Variants in SLC46A3 observed in about 807,000 individuals in gnomAD.
SLC46A3 encodes lysosomal proton-coupled steroid conjugate and bile acid symporter SLC46A3.
In SLC46A3, 26 loss-of-function variants were observed where a neutral mutation model predicts 38.5. The ratio of observed to expected loss-of-function variants is 0.68; its 90% confidence interval spans 0.49 to 0.94. SLC46A3 has a LOEUF of 0.94. SLC46A3 is among the 40% of genes least tolerant of loss of function. SLC46A3 has a pLI of 0.00. For synonymous variants in SLC46A3, 185 were observed against 192.5 expected (o/e 0.96, Z 0.32); for missense variants, 510 against 544.3 (o/e 0.94, Z 0.63).
Position 28,710,858 on chromosome 13 carries a change from A to T in SLC46A3, c.1061-15T>A. 6.3e-7 allele frequency: 1 copy of T among 1,598,820 alleles called. No homozygotes were observed. Among genetic ancestry groups the T allele is most frequent in the Non-Finnish European group, 8.6e-7 (1 of 1,167,358 alleles). On this transcript the variant is annotated splice_polypyrimidine_tract_variant and intron_variant, in intron 3 of 5. Transcript: ENST00000266943. ...CGGCACCCTGGCTGTGAGAGAAAGGATTCAAAATCACTGGCTGATTCTGAA... is the reference window on the plus strand; with the variant it reads ...CGGCACCCTGGCTGTGAGAGAAAGGTTTCAAAATCACTGGCTGATTCTGAA...
Position 28,714,347 on chromosome 13 carries a change from C to T in SLC46A3, c.190-797G>A, listed in dbSNP as rs149808212. Among the ~76,000 whole-genome samples the T allele has an allele frequency of 9.5e-3, 1,438 of 151,976 alleles. 7 individuals are homozygous for T. Among genetic ancestry groups the T allele is most frequent in the Middle Eastern group, 0.014 (4 of 292 alleles). On this transcript the variant is annotated intron_variant, in intron 2 of 5. Transcript: ENST00000266943. ...TACCGTGGCTGAGTGTGGTGGCTTACGCTTATAATCCCAGCACTGTGGGAG... is the reference window on the plus strand; with the variant it reads ...TACCGTGGCTGAGTGTGGTGGCTTATGCTTATAATCCCAGCACTGTGGGAG...
intron 4 of SLC46A3, among the ~76,000 whole-genome samples, chr13:28,708,492 GA>G (rs1460573603): frequency 6.6e-6 from 1 of 151,754 alleles, no homozygotes; most frequent in African/African-American, 2.4e-5. Context: ...TTTTGTTGTT[GA>G]ATTTTAAGAG....
At position 28,701,080 on chromosome 13, in the gene SLC46A3, G is replaced by T. The variant is rs1230377383; in HGVS notation, c.*417C>A. On this transcript the variant is annotated 3_prime_UTR_variant, in exon 6 of 6. Coordinates refer to ENST00000266943, the MANE Select transcript of SLC46A3 (RefSeq NM_181785.4). The stretch of plus-strand genomic sequence containing the variant: ...TATGCCTTCAAAATTATCCCTGAGA[G>T]AGGCCAGAAACCCATTCTGCTGATG... 3 of 1,475,208 alleles carry T rather than the reference G, an allele frequency of 2.0e-6. No individual in the cohort carries two copies. Among genetic ancestry groups the T allele is most frequent in the Non-Finnish European group, 2.7e-6 (3 of 1,111,720 alleles). 91.4% of individuals were successfully genotyped at this position (1,475,208 alleles called of 1,614,324 possible). A position where few individuals can be genotyped will look rare whatever the true frequency, so the allele number is the denominator to read the frequency against.
chr13:28,710,534 G>A (rs910425412), intron 4 of SLC46A3, among the ~76,000 whole-genome samples: 4 of 152,344 alleles, frequency 2.6e-5, no homozygotes, highest in South Asian at 2.1e-4. Flanking sequence ...TTCTTAGGGC[G>A]GGGCACGGCC....
intron 4 of SLC46A3, among the ~76,000 whole-genome samples, chr13:28,708,545 T>C (rs1885243677): frequency 6.6e-6 from 1 of 152,184 alleles, no homozygotes; most frequent in African/African-American, 2.4e-5. Flanking sequence ...CAGACAAATA[T>C]AATTTGCAAA....
rs1179667695 is a variant in SLC46A3 at position 28,704,115 on chromosome 13, A to C, written c.1145-16T>G. On this transcript the variant is annotated splice_polypyrimidine_tract_variant and intron_variant, in intron 4 of 5. Coordinates refer to ENST00000266943, the MANE Select transcript of SLC46A3 (RefSeq NM_181785.4). ...AACAGGGTACCTGTTTGGAGTAGGG[A>C]TAGAGAGAGAGGAAAAAAAAAAGGC... 3.8e-6 allele frequency: 6 copies of C among 1,565,072 alleles called. No individual in the cohort carries two copies. The highest frequency in any genetic ancestry group is 5.2e-6 in the Non-Finnish European group (6 of 1,159,174).
At position 28,712,930 on chromosome 13, in the gene SLC46A3, A is replaced by G; in HGVS notation, c.810T>C (p.Tyr270=). The change falls in exon 3 of 6, where the codon TAT becomes TAC. Residue 270 remains tyrosine, a synonymous_variant. Transcript: ENST00000266943. ...LCLLLFTVIT[Y]FFVVIGIAPI... is the part of the protein sequence containing the mutation. ...GGGCAATGCCAATTACCACAAAAAA[A>G]TAAGTGATTACTGTAAAAAGTAACA... 1.2e-6 allele frequency: 2 copies of G among 1,610,668 alleles called. No individual in the cohort carries two copies. Among genetic ancestry groups the G allele is most frequent in the South Asian group, 1.1e-5 (1 of 89,848 alleles).
Position 28,701,340 on chromosome 13 carries a change from A to T in SLC46A3, c.*157T>A. On this transcript the variant is annotated 3_prime_UTR_variant, in exon 6 of 6. Coordinates refer to ENST00000266943, the MANE Select transcript of SLC46A3 (RefSeq NM_181785.4). ...AGTGCGTGGTACCACAAGAAGCTAAAGCCAGGAGCTGTCTCTCTGACTGTT... is the reference window on the plus strand; with the variant it reads ...AGTGCGTGGTACCACAAGAAGCTAATGCCAGGAGCTGTCTCTCTGACTGTT... The T allele has an allele frequency of 2.1e-6, 3 of 1,433,822 alleles. No individual in the cohort carries two copies. The highest frequency in any genetic ancestry group is 2.7e-6 in the Non-Finnish European group (3 of 1,095,230). 88.8% of individuals were successfully genotyped at this position (1,433,822 alleles called of 1,614,324 possible).
At position 28,713,146 on chromosome 13, in the gene SLC46A3, C is replaced by T. The variant is rs757023981; in HGVS notation, c.594G>A (p.Trp198Ter). ...GAGACACAGCAATAATTAGAAACGA[C>T]CACTCAAAACCTAGCTCTCTAATAA... is the stretch of plus-strand genomic sequence containing the variant. ...GYFIRELGFE[W>*]SFLIIAVSLA... Residue 198 changes from tryptophan to a stop codon, truncating the protein, a stop_gained, in exon 3 of 6, where the codon TGG becomes TGA. Coordinates refer to ENST00000266943, the MANE Select transcript of SLC46A3 (RefSeq NM_181785.4). LOFTEE classifies it high-confidence loss of function. 5.0e-6 allele frequency: 8 copies of T among 1,613,892 alleles called. No homozygotes were observed. The South Asian group carries it at 6.6e-5, about 13-fold the overall frequency.
chr13:28,716,256 G>C (rs551003629), intron 2 of SLC46A3, among the ~76,000 whole-genome samples: 5 of 152,260 alleles, frequency 3.3e-5, no homozygotes, highest in African/African-American at 1.2e-4. Context: ...TGTGTTAGAG[G>C]TTCCAGGATG....
chr13:28,712,527 A>G (rs1012313607), intron 3 of SLC46A3, 153 bp downstream of exon 3: 4 of 662,324 alleles, frequency 6.0e-6, no homozygotes, highest in East Asian at 3.4e-5. Context: ...CTTTTGGCTT[A>G]TTGACTCCTG....
chr13:28,717,908 T>G lies in SLC46A3; in HGVS notation c.91A>C (p.Arg31=). The part of the protein sequence containing the change: ...GPLTTQYVYR[R]IWEETGNYTF... ...TAGTTGCCAGTTTCTTCCCATATTC[T>G]CCGATAAACATATTGCGTTGTCAGT... The change falls in exon 2 of 6, where the codon AGA becomes CGA. Residue 31 remains arginine, a synonymous_variant. Transcript: ENST00000266943. 4 of 1,614,170 alleles carry G rather than the reference T, an allele frequency of 2.5e-6. No homozygotes were observed. Among genetic ancestry groups the G allele is most frequent in the Non-Finnish European group, 3.4e-6 (4 of 1,180,030 alleles).
intron 4 of SLC46A3, among the ~76,000 whole-genome samples, chr13:28,709,645 G>C (rs1343326770): frequency 6.6e-6 from 1 of 152,154 alleles, no homozygotes; most frequent in African/African-American, 2.4e-5. Flanking sequence ...CCCTTCAACT[G>C]TTTGACTTTG....
intron 4 of SLC46A3, among the ~76,000 whole-genome samples, chr13:28,706,093 A>G (rs572480057): frequency 3.3e-5 from 5 of 152,300 alleles, no homozygotes; most frequent in African/African-American, 1.2e-4. Flanking sequence ...TTTTAATGCA[A>G]TAGACCTCAA....
rs1473570767 is a variant in SLC46A3 at position 28,700,179 on chromosome 13, G to A, written c.*1318C>T. 3.9e-5 allele frequency: 6 copies of A among 152,160 alleles called. No homozygotes were observed. In the East Asian group the frequency reaches 5.8e-4, roughly 15 times the overall value. The allele number at this position is 152,160 out of a possible 1,614,324, so 9.4% of individuals were successfully genotyped here. Reference sequence around the variant, plus strand: ...CAGGTAGCAGAAACAATTACAAGTCGATGGAAAATGCTGGGATCGAAGTGC... The same window carrying A: ...CAGGTAGCAGAAACAATTACAAGTCAATGGAAAATGCTGGGATCGAAGTGC... On this transcript the variant is annotated 3_prime_UTR_variant, in exon 6 of 6. Transcript: ENST00000266943.
intron 1 of SLC46A3, 75 bp downstream of exon 1, chr13:28,718,421 G>A (rs1351145978): frequency 1.3e-5 from 2 of 154,414 alleles, no homozygotes; most frequent in African/African-American, 4.8e-5. Context: ...TTATTTTGCT[G>A]CGTATTAAAA....
Position 28,712,657 on chromosome 13 carries a change from C to G in SLC46A3, c.1060+23G>C, listed in dbSNP as rs565471052. ...ATGAATATCAAATACATAGTTAGTT[C>G]TAAAGCTACACTTGGAACTCACCTA... On this transcript the variant is annotated intron_variant, in intron 3 of 5. Coordinates refer to ENST00000266943, the MANE Select transcript of SLC46A3 (RefSeq NM_181785.4). The G allele has an allele frequency of 5.9e-5, 91 of 1,537,690 alleles. 1 individual carries two copies. In the South Asian group the frequency reaches 1.2e-3, roughly 20 times the overall value.
chr13:28,710,331 T>C (rs1885306058), intron 4 of SLC46A3, among the ~76,000 whole-genome samples: 1 of 152,250 alleles, frequency 6.6e-6, no homozygotes, highest in Non-Finnish European at 1.5e-5. Context: ...GGTCTACAGG[T>C]GAGCACACTG....
rs750176127 is a variant in SLC46A3, at chr13:28,713,414, A to G, written c.326T>C (p.Val109Ala). Residue 109 changes from valine (V) to alanine (A), a missense_variant, in exon 3 of 6, where the codon GTT becomes GCT. Coordinates refer to ENST00000266943, the MANE Select transcript of SLC46A3 (RefSeq NM_181785.4). ...GRKFPMILSS[V>A]GALATSVWLC... ...CCAAACGCTGGTTGCAAGAGCACCA[A>G]CGGAAGACAAAATCATAGGGAATTT... is the stretch of plus-strand genomic sequence containing the variant. 2.0e-5 allele frequency: 32 copies of G among 1,613,968 alleles called. No homozygotes were observed. The highest frequency in any genetic ancestry group is 2.6e-5 in the Non-Finnish European group (31 of 1,180,026).
Sources: gnomAD v4.1 joint callset for allele counts (sites outside exome capture counted in the v4.1 genomes callset) on GRCh38, gnomAD v4.1.1 for gene constraint, MANE v1.5 for transcripts, NCBI Gene and HGNC (gene_info 2026-07-23, HGNC 2026-07-21) for gene names.